The following MROH9 variants were observed in gnomAD, a reference collection of about 807,000 sequenced individuals.
The protein encoded by MROH9 is maestro heat like repeat family member 9.
Under a neutral mutation model 98.2 loss-of-function variants are expected in MROH9, and 92 were observed. That is an observed-to-expected ratio of 0.94 (90% confidence interval 0.79 to 1.11). The LOEUF is 1.11. Among genes scored for constraint, MROH9 ranks in the 50% most tolerant of loss-of-function variants. The pLI, the probability that MROH9 is intolerant of heterozygous loss-of-function variation, is 0.00. For missense variants in MROH9, 1,057 were observed against 1,014.8 expected (o/e 1.04, Z -0.57); for synonymous variants, 397 against 368.9 (o/e 1.08, Z -0.87).
At chr1:170,935,980 GACAAAA>G (rs1648862179) in intron 1 of MROH9, among the ~76,000 whole-genome samples, 1 of 15,752 alleles carries the variant, frequency 6.3e-5, no homozygotes, top group Non-Finnish European at 1.2e-4. Flanking sequence ...AACAGAGTGA[GACAAAA>G]AAAAAAAAAA....
intron 1 of MROH9, among the ~76,000 whole-genome samples, chr1:170,941,246 C>T (rs372895847): frequency 2.6e-5 from 4 of 152,112 alleles, no homozygotes; most frequent in East Asian, 3.9e-4. Flanking sequence ...GCCATAGGTC[C>T]CTTTGTGGCA....
rs374168246 is a variant in MROH9, at chr1:170,966,654, T to TG, written c.480+1404dup. Among the ~76,000 whole-genome samples, 23 of 152,258 alleles carry TG rather than the reference T, an allele frequency of 1.5e-4. No homozygotes were observed. In the Middle Eastern group the frequency reaches 0.017, roughly 113 times the overall value. On this transcript the variant is annotated intron_variant, in intron 7 of 21. Coordinates refer to ENST00000367759, the MANE Select transcript of MROH9 (RefSeq NM_001163629.2). Reference sequence around the variant, plus strand: ...TGGAACATAATACAATTTACTTAGATGGGGGACACAGTCCAGAGTGTTCTT... The same window carrying TG: ...TGGAACATAATACAATTTACTTAGATGGGGGGACACAGTCCAGAGTGTTCTT...
chr1:170,996,101 G>A (rs1651556234), intron 13 of MROH9, among the ~76,000 whole-genome samples: 1 of 152,054 alleles, frequency 6.6e-6, no homozygotes, highest in Admixed American at 6.6e-5. Flanking sequence ...CAACCCACCT[G>A]TCTACTATTT....
chr1:170,994,553 G>A lies in MROH9; in HGVS notation c.1195-836G>A, dbSNP rs192946587. Among the ~76,000 whole-genome samples, 11 of 152,060 alleles carry A rather than the reference G, an allele frequency of 7.2e-5. No homozygotes were observed. The East Asian group carries it at 1.4e-3, about 19-fold the overall frequency. On this transcript the variant is annotated intron_variant, in intron 12 of 21. Transcript: ENST00000367759. Reference sequence around the variant, plus strand: ...AATACCAGCATATAATATAAAATACGCACATCATAGAGAATGGGGTACCCA... The same window carrying A: ...AATACCAGCATATAATATAAAATACACACATCATAGAGAATGGGGTACCCA...
chr1:170,986,518 TGTGA>T (rs1651137226), intron 9 of MROH9, 39 bp from the exon 10 acceptor site: 1 of 1,582,294 alleles, frequency 6.3e-7, no homozygotes, highest in East Asian at 2.3e-5. Flanking sequence ...CTTATGTTGG[TGTGA>T]GTAAGGCCTG....
At chr1:171,023,920 T>A (rs1184754993) in intron 17 of MROH9, among the ~76,000 whole-genome samples, 2 of 152,174 alleles carry the variant, frequency 1.3e-5, no homozygotes, top group Admixed American at 1.3e-4. Flanking sequence ...CCACCACCCT[T>A]CAGCTGCTGG....
At chr1:170,970,729 T>TGAGA (rs1336944318) in intron 7 of MROH9, among the ~76,000 whole-genome samples, 276 of 102,076 alleles carry the variant, frequency 2.7e-3, no homozygotes, top group African/African-American at 9.3e-3. Context: ...TGTGTGTGTG[T>TGAGA]GTGAGAGAGA....
At chr1:171,000,174 G>T (rs528544529) in intron 15 of MROH9, among the ~76,000 whole-genome samples, 11 of 152,188 alleles carry the variant, frequency 7.2e-5, no homozygotes, top group African/African-American at 2.6e-4. Context: ...TCATGCAAAA[G>T]ATCTTTAGTT....
Position 171,064,323 on chromosome 1 carries a change from AATG to A in MROH9, c.2572_2574del (p.Asp858del), listed in dbSNP as rs1294672735. 6.5e-7 allele frequency: 1 copy of A among 1,540,538 alleles called. No homozygotes were observed. Among genetic ancestry groups the A allele is most frequent in the Non-Finnish European group, 8.7e-7 (1 of 1,144,248 alleles). ...TCCTACAGACAGTAAAGATGTCAAGAATGATAAGGCCTTATAGAAGAGAATGAT... is the reference window on the plus strand; with the variant it reads ...TCCTACAGACAGTAAAGATGTCAAGAATAAGGCCTTATAGAAGAGAATGAT... On this transcript the variant is annotated inframe_deletion, in exon 22 of 22. Transcript: ENST00000367759.
intron 17 of MROH9, among the ~76,000 whole-genome samples, chr1:171,018,624 G>A (rs1004115699): frequency 3.3e-5 from 5 of 152,164 alleles, no homozygotes; most frequent in Admixed American, 6.5e-5. Flanking sequence ...AAAGGAGCAC[G>A]TTCTAACCCA....
chr1:171,012,981 T>C lies in MROH9; in HGVS notation c.1597-1136T>C, dbSNP rs546990069. ...TTCCATACTTGCCCTCAAGCCTCCC[T>C]GCTGTCCAGTCTTCTGTTCCCTCTC... On this transcript the variant is annotated intron_variant, in intron 15 of 21. Coordinates refer to ENST00000367759, the MANE Select transcript of MROH9 (RefSeq NM_001163629.2). Among the ~76,000 whole-genome samples the C allele has an allele frequency of 4.6e-5, 7 of 152,244 alleles. No individual in the cohort carries two copies. In the South Asian group the frequency reaches 1.4e-3, roughly 32 times the overall value.
chr1:170,954,072 T>C (rs915903659), intron 3 of MROH9, among the ~76,000 whole-genome samples: 2 of 152,054 alleles, frequency 1.3e-5, no homozygotes, highest in South Asian at 2.1e-4. Context: ...TCTCTAGTCT[T>C]TGTCACCTGG....
intron 7 of MROH9, among the ~76,000 whole-genome samples, chr1:170,966,441 C>G (rs1650239538): frequency 1.3e-5 from 2 of 152,048 alleles, no homozygotes. Context: ...CTGCTAATTA[C>G]TTATCTGATT....
intron 8 of MROH9, among the ~76,000 whole-genome samples, chr1:170,978,982 T>C (rs571649345): frequency 1.7e-4 from 26 of 152,300 alleles, no homozygotes; most frequent in Admixed American, 2.6e-4. Flanking sequence ...TGGTGAGGGA[T>C]TGCTGGAGAT....
At chr1:171,015,109 A>C in intron 16 of MROH9, 1 of 468,812 alleles carries the variant, frequency 2.1e-6, no homozygotes, top group South Asian at 1.6e-5. Flanking sequence ...CATTACTTTT[A>C]TAATACATCC....
chr1:170,985,446 G>A (rs1651095461), intron 9 of MROH9, among the ~76,000 whole-genome samples: 1 of 152,108 alleles, frequency 6.6e-6, no homozygotes, highest in Admixed American at 6.6e-5. Context: ...GTGTATTTCT[G>A]GAGAGTTACG....
At chr1:170,968,260 T>C (rs1196206834) in intron 7 of MROH9, among the ~76,000 whole-genome samples, 2 of 152,154 alleles carry the variant, frequency 1.3e-5, no homozygotes, top group Non-Finnish European at 2.9e-5. Context: ...ATTGAAAACA[T>C]GTACAGAAGA....
At chr1:170,958,309 T>C (rs1003228722) in intron 3 of MROH9, 152 bp from the exon 4 acceptor site, 26 of 468,128 alleles carry the variant, frequency 5.6e-5, no homozygotes, top group Non-Finnish European at 8.1e-5. Context: ...CAGTTTGGTC[T>C]CAACACTTCT....
intron 16 of MROH9, among the ~76,000 whole-genome samples, chr1:171,014,536 C>T (rs1037545476): frequency 4.0e-5 from 6 of 151,772 alleles, no homozygotes; most frequent in Admixed American, 2.6e-4. Context: ...ACTTGTCTTA[C>T]AGTCTAAACC....
Sources: allele counts gnomAD v4.1 joint callset (sites outside exome capture counted in the v4.1 genomes callset), GRCh38; gene constraint gnomAD v4.1.1; transcripts MANE v1.5; gene names NCBI Gene and HGNC (gene_info 2026-07-23, HGNC 2026-07-21).